The following MROH2B variants were observed in gnomAD, a reference collection of about 807,000 sequenced individuals.
MROH2B encodes the protein maestro heat like repeat family member 2B.
In MROH2B, 177 loss-of-function variants were observed where a neutral mutation model predicts 208.6. The observed-to-expected ratio is 0.85, with a 90% CI of 0.75 to 0.96. The LOEUF is 0.96. MROH2B is among the 40% of genes least tolerant of loss of function. The pLI is 0.00. For synonymous variants in MROH2B, 728 were observed against 659.0 expected, an observed-to-expected ratio of 1.10 and a Z score of -1.60; for missense variants, 2,002 against 1,878.7, an observed-to-expected ratio of 1.07 and a Z score of -1.21.
chr5:40,998,779 A>G (rs1741292383), intron 40 of MROH2B, 102 bp from the exon 41 acceptor site: 2 of 948,986 alleles, frequency 2.1e-6, no homozygotes, highest in Admixed American at 4.5e-5. Context: ...GGTAAATGGT[A>G]GGCTGGTGAA....
At chr5:41,049,902 C>T (rs1743236979) in intron 13 of MROH2B, among the ~76,000 whole-genome samples, 2 of 152,174 alleles carry the variant, frequency 1.3e-5, no homozygotes, top group Admixed American at 1.3e-4. Context: ...CTCTGACCTG[C>T]CTGCTCTGGA....
At chr5:41,017,165 C>T (rs928515317) in intron 28 of MROH2B, among the ~76,000 whole-genome samples, 5 of 152,230 alleles carry the variant, frequency 3.3e-5, no homozygotes, top group African/African-American at 1.2e-4. Context: ...GAACTGCACA[C>T]ACACAACGTA....
At chr5:41,002,381 A>G (rs1165846614) in intron 37 of MROH2B, among the ~76,000 whole-genome samples, 2 of 152,154 alleles carry the variant, frequency 1.3e-5, no homozygotes, top group African/African-American at 4.8e-5. Flanking sequence ...CAGTGTGGGG[A>G]ATAGTAGCAA....
chr5:41,007,555 T>A, intron 33 of MROH2B, 101 bp from the exon 34 acceptor site: 1 of 1,127,390 alleles, frequency 8.9e-7, no homozygotes, highest in Non-Finnish European at 1.2e-6. Flanking sequence ...TTCCCACCCC[T>A]GGACTAGGGG....
chr5:41,002,818 T>A (rs1741440872), intron 37 of MROH2B, among the ~76,000 whole-genome samples: 1 of 152,162 alleles, frequency 6.6e-6, no homozygotes, highest in Non-Finnish European at 1.5e-5. Context: ...CTAAGAGAAT[T>A]ATTATTGGAT....
At chr5:41,044,738 T>G (rs746624133) in intron 18 of MROH2B, among the ~76,000 whole-genome samples, 2 of 152,150 alleles carry the variant, frequency 1.3e-5, no homozygotes, top group Non-Finnish European at 2.9e-5. Context: ...ATTACATATG[T>G]GAGTTGAAGA....
At chr5:41,000,110 A>T in intron 39 of MROH2B, 110 bp downstream of exon 39, 3 of 1,424,642 alleles carry the variant, frequency 2.1e-6, no homozygotes, top group Non-Finnish European at 1.9e-6. Context: ...CATCCTTCCA[A>T]GGCAGTTCTG....
intron 24 of MROH2B, among the ~76,000 whole-genome samples, chr5:41,023,563 T>A (rs1163052720): frequency 6.6e-6 from 1 of 152,226 alleles, no homozygotes; most frequent in Admixed American, 6.5e-5. Context: ...AATCTACATC[T>A]GGTTGGTGTA....
At position 41,057,154 on chromosome 5, in the gene MROH2B, C is replaced by G. The variant is rs1181662840; in HGVS notation, c.874G>C (p.Val292Leu). The change falls in exon 9 of 42, where the codon GTA (valine) becomes CTA (leucine). Residue 292 changes from valine to leucine, a missense_variant. By Grantham distance (32) the Val-to-Leu change is conservative. Coordinates refer to ENST00000399564, the MANE Select transcript of MROH2B (RefSeq NM_173489.5). ...GAAGCTTTCATTTCATTTTCCTTTA[C>G]TGGAGGCTCTGGAGCTCTGCAGATC... ...QQICRAPEPP[V>L]KENEMKASSC... 1 of 1,613,836 alleles carries G rather than the reference C, an allele frequency of 6.2e-7. No individual in the cohort carries two copies. Among genetic ancestry groups the G allele is most frequent in the Non-Finnish European group, 8.5e-7 (1 of 1,179,874 alleles).
intron 24 of MROH2B, among the ~76,000 whole-genome samples, chr5:41,026,334 A>G (rs1251434970): frequency 1.3e-5 from 2 of 152,250 alleles, no homozygotes; most frequent in African/African-American, 4.8e-5. Context: ...CAACTTCAGC[A>G]AAGTCTCAGG....
chr5:41,048,223 A>G (rs1743181015), intron 16 of MROH2B, 101 bp downstream of exon 16: 2 of 1,362,582 alleles, frequency 1.5e-6, no homozygotes, highest in Non-Finnish European at 1.9e-6. Flanking sequence ...CATCATTTTT[A>G]TTGCCTAAAA....
chr5:41,043,307 C>A (rs537358561), intron 18 of MROH2B, among the ~76,000 whole-genome samples: 1 of 152,294 alleles, frequency 6.6e-6, no homozygotes, highest in East Asian at 1.9e-4. Flanking sequence ...TGCATCACCC[C>A]ACTTTCACTT....
chr5:41,017,896 G>C lies in MROH2B; in HGVS notation c.2838C>G (p.Ile946Met), dbSNP rs1466657560. The stretch of plus-strand genomic sequence containing the variant: ...TAGTTGAGCTAGCAGCCGCCTGACG[G>C]ATGGTGGGCAGGGTATCACAGGAGT... The part of the protein sequence containing the change: ...APHSCDTLPT[I>M]RQAAASSTIG... The change falls in exon 28 of 42, where the codon ATC (isoleucine) becomes ATG (methionine). Residue 946 changes from isoleucine (I) to methionine (M), a missense_variant. By Grantham distance (10) the Ile-to-Met change is conservative (BLOSUM62 1). Transcript: ENST00000399564. The C allele has an allele frequency of 3.8e-5, 60 of 1,591,442 alleles. No individual in the cohort carries two copies. The highest frequency in any genetic ancestry group is 5.1e-5 in the Non-Finnish European group (60 of 1,168,418).
chr5:41,067,650 G>A (rs1247184238), intron 2 of MROH2B, among the ~76,000 whole-genome samples: 1 of 152,198 alleles, frequency 6.6e-6, no homozygotes, highest in Non-Finnish European at 1.5e-5. Context: ...TTACAGGCAT[G>A]AGCCACCGTG....
At chr5:41,066,334 A>G (rs1279708052) in intron 3 of MROH2B, among the ~76,000 whole-genome samples, 2 of 152,196 alleles carry the variant, frequency 1.3e-5, no homozygotes, top group African/African-American at 4.8e-5. Flanking sequence ...TAAAACCATC[A>G]GCAAACTCAC....
At chr5:41,048,284 CT>C in intron 16 of MROH2B, 39 bp downstream of exon 16, 1 of 1,560,252 alleles carries the variant, frequency 6.4e-7, no homozygotes, top group Non-Finnish European at 8.6e-7. Context: ...TCTTTATGTT[CT>C]TGCCCCCTGG....
At position 41,019,036 on chromosome 5, in the gene MROH2B, T is replaced by C; in HGVS notation, c.2442-18A>G. 1 of 1,613,542 alleles carries C rather than the reference T, an allele frequency of 6.2e-7. No individual in the cohort carries two copies. The highest frequency in any genetic ancestry group is 8.5e-7 in the Non-Finnish European group (1 of 1,179,752). On this transcript the variant is annotated intron_variant, in intron 24 of 41. Coordinates refer to ENST00000399564, the MANE Select transcript of MROH2B (RefSeq NM_173489.5). The stretch of plus-strand genomic sequence containing the variant: ...TCAGTTTACTGAAATGAGAACCAGG[T>C]GGAGGAATGGATATTACAGTGACCA...
intron 34 of MROH2B, 28 bp from the exon 35 acceptor site, chr5:41,005,673 A>G (rs1390190308): frequency 6.5e-7 from 1 of 1,532,846 alleles, no homozygotes. Context: ...TAGCAGAGAC[A>G]TATTTTACTA....
intron 13 of MROH2B, among the ~76,000 whole-genome samples, chr5:41,049,832 C>T (rs1304154851): frequency 6.6e-6 from 1 of 152,136 alleles, no homozygotes; most frequent in African/African-American, 2.4e-5. Context: ...TGTGACTTCC[C>T]CAGTTGAGAA....
Sources: allele counts gnomAD v4.1 joint callset (sites outside exome capture counted in the v4.1 genomes callset), GRCh38; gene constraint gnomAD v4.1.1; transcripts MANE v1.5; gene names NCBI Gene and HGNC (gene_info 2026-07-23, HGNC 2026-07-21).